Variants in NXPE2 observed in about 807,000 individuals in gnomAD.
NXPE2 encodes neurexophilin and PC-esterase domain family member 2.
NXPE2 carries 34 observed loss-of-function variants against 34.4 expected under a neutral mutation model. The ratio of observed to expected loss-of-function variants is 0.99; its 90% CI spans 0.75 to 1.31. NXPE2 has a LOEUF of 1.31. Among genes scored for constraint, NXPE2 ranks in the 40% most tolerant of loss-of-function variants. The pLI is 0.00. For missense variants in NXPE2, 649 were observed against 672.5 expected (o/e 0.97, Z 0.39); for synonymous variants, 235 against 231.3 (o/e 1.02, Z -0.15).
At chr11:114,632,205 TTA>T in the NXPE2 span, among the ~76,000 whole-genome samples, 1 of 141,472 alleles carries the variant, frequency 7.1e-6, no homozygotes, top group East Asian at 2.0e-4. Flanking sequence ...TATATACATA[TTA>T]TATATGTATA....
chr11:114,504,276 A>G, the NXPE2 span, among the ~76,000 whole-genome samples: 1 of 152,198 alleles, frequency 6.6e-6, no homozygotes, highest in South Asian at 2.1e-4. Context: ...CCACCCTTGC[A>G]CAAATCCTGT....
chr11:114,614,219 G>A, the NXPE2 span, among the ~76,000 whole-genome samples: 38 of 152,050 alleles, frequency 2.5e-4, no homozygotes, highest in African/African-American at 8.9e-4. Context: ...TGGATAATAA[G>A]TGTTGCCTCG....
chr11:114,733,736 A>G, the NXPE2 span, among the ~76,000 whole-genome samples: 2 of 152,282 alleles, frequency 1.3e-5, no homozygotes, highest in East Asian at 3.9e-4. Context: ...GGCAATTAAA[A>G]TATATTTCTT....
At chr11:114,810,647 C>T in the NXPE2 span, among the ~76,000 whole-genome samples, 2 of 151,982 alleles carry the variant, frequency 1.3e-5, no homozygotes, top group Non-Finnish European at 2.9e-5. Flanking sequence ...GATACCATCT[C>T]ACACCAGTTA....
chr11:114,678,416 G>T, upstream of NXPE2: 1 of 583,050 alleles, frequency 1.7e-6, no homozygotes, highest in Non-Finnish European at 3.1e-6. Flanking sequence ...TCATAATAAG[G>T]GAGGTTTATG....
chr11:114,662,846 G>C, the NXPE2 span, among the ~76,000 whole-genome samples: 5 of 152,278 alleles, frequency 3.3e-5, no homozygotes, highest in East Asian at 7.7e-4. Context: ...CCTGGCAACA[G>C]TTATCACCTG....
the NXPE2 span, among the ~76,000 whole-genome samples, chr11:114,622,468 T>C: frequency 6.6e-6 from 1 of 152,072 alleles, no homozygotes; most frequent in Non-Finnish European, 1.5e-5. Flanking sequence ...GGACAATAAG[T>C]ATTGCCTCAT....
chr11:114,623,917 C>A, the NXPE2 span, among the ~76,000 whole-genome samples: 1 of 152,002 alleles, frequency 6.6e-6, no homozygotes, highest in Non-Finnish European at 1.5e-5. Flanking sequence ...TCATTGCTAC[C>A]CAGTGGATAA....
the NXPE2 span, among the ~76,000 whole-genome samples, chr11:114,521,455 C>T: frequency 6.6e-6 from 1 of 152,162 alleles, no homozygotes. Context: ...TATTTGCTTT[C>T]TGGCATAACA....
the NXPE2 span, among the ~76,000 whole-genome samples, chr11:114,787,275 G>T: frequency 6.6e-6 from 1 of 152,186 alleles, no homozygotes; most frequent in Non-Finnish European, 1.5e-5. Flanking sequence ...CCAAGCTCAT[G>T]CAGGCAGGCT....
chr11:114,626,276 G>T, the NXPE2 span, among the ~76,000 whole-genome samples: 2 of 152,224 alleles, frequency 1.3e-5, no homozygotes, highest in African/African-American at 2.4e-5. Flanking sequence ...AAATGTCCCA[G>T]TCTGACAGCT....
the NXPE2 span, among the ~76,000 whole-genome samples, chr11:114,735,896 C>T: frequency 6.6e-6 from 1 of 152,262 alleles, no homozygotes; most frequent in South Asian, 2.1e-4. Context: ...AGGTTCTTTT[C>T]TATTTTCCCT....
the NXPE2 span, among the ~76,000 whole-genome samples, chr11:114,725,972 A>ATATATATATATATATATATAT: frequency 2.6e-3 from 37 of 14,224 alleles, no homozygotes; most frequent in African/African-American, 4.7e-3. Flanking sequence ...TATAATAAAA[A>ATATATATATATATATATATAT]AAAAATATAT....
chr11:114,503,848 C>T, the NXPE2 span, among the ~76,000 whole-genome samples: 1 of 152,234 alleles, frequency 6.6e-6, no homozygotes, highest in East Asian at 1.9e-4. Context: ...GACCTGATCT[C>T]TGCAGGGTAG....
At chr11:114,710,359 A>G (rs1290193637), downstream of NXPE2, among the ~76,000 whole-genome samples, 2 of 152,210 alleles carry the variant, frequency 1.3e-5, no homozygotes, top group African/African-American at 4.8e-5. Flanking sequence ...TAGCTAGACT[A>G]AGAAAAATAG....
the NXPE2 span, among the ~76,000 whole-genome samples, chr11:114,761,301 G>A: frequency 6.6e-6 from 1 of 152,144 alleles, no homozygotes; most frequent in Non-Finnish European, 1.5e-5. Context: ...AGAGCAGTAC[G>A]TTCAGCTATG....
chr11:114,655,882 C>T, the NXPE2 span, among the ~76,000 whole-genome samples: 1 of 152,168 alleles, frequency 6.6e-6, no homozygotes, highest in African/African-American at 2.4e-5. Context: ...CAAGGATGCC[C>T]TCTCTCATCA....
the NXPE2 span, among the ~76,000 whole-genome samples, chr11:114,730,261 G>C: frequency 1.3e-5 from 2 of 151,958 alleles, no homozygotes; most frequent in Non-Finnish European, 2.9e-5. Flanking sequence ...ATTGGCCTAT[G>C]TGTTCATTTT....
the NXPE2 span, among the ~76,000 whole-genome samples, chr11:114,526,241 G>A: frequency 1.3e-5 from 2 of 152,210 alleles, no homozygotes; most frequent in African/African-American, 2.4e-5. Flanking sequence ...TTAGCTCAAT[G>A]AGACCAGCAT....
Sources: gnomAD v4.1 joint callset for allele counts (sites outside exome capture counted in the v4.1 genomes callset) on GRCh38, gnomAD v4.1.1 for gene constraint, MANE v1.5 for transcripts, NCBI Gene and HGNC (gene_info 2026-07-23, HGNC 2026-07-21) for gene names.